The following STX18 variants were observed in gnomAD, a reference collection of about 807,000 sequenced individuals.
STX18 encodes the protein syntaxin-18.
Under a neutral mutation model 50.1 loss-of-function variants are expected in STX18, and 40 were observed. The ratio of observed to expected loss-of-function variants is 0.80; its 90% CI spans 0.62 to 1.04. The LOEUF (loss-of-function observed/expected upper bound fraction) is 1.04, where lower values mean the gene tolerates loss of function less well. Among genes scored for constraint, STX18 ranks in the 50% least tolerant of loss-of-function variants. The pLI is 0.00. For synonymous variants in STX18, 158 were observed against 151.8 expected (o/e 1.04, Z -0.30); for missense variants, 410 against 415.8 (o/e 0.99, Z 0.12).
chr4:4,421,005 A>C, intron 9 of STX18, 61 bp from the exon 10 acceptor site: 3 of 1,516,426 alleles, frequency 2.0e-6, no homozygotes, highest in Non-Finnish European at 2.7e-6. Context: ...GAAACCCAAA[A>C]TGCTCCAACG....
intron 1 of STX18, among the ~76,000 whole-genome samples, chr4:4,502,140 C>T (rs557609640): frequency 1.3e-5 from 2 of 152,224 alleles, no homozygotes; most frequent in East Asian, 1.9e-4. Context: ...GTGTAATATA[C>T]CTAAAAGTAT....
intron 1 of STX18, among the ~76,000 whole-genome samples, chr4:4,473,547 C>G (rs1270065756): frequency 1.3e-5 from 2 of 152,274 alleles, no homozygotes; most frequent in Middle Eastern, 3.4e-3. Context: ...CCCGCCTCAG[C>G]CTCCCAAAGT....
At chr4:4,480,115 G>A (rs554039913) in intron 1 of STX18, among the ~76,000 whole-genome samples, 4 of 152,184 alleles carry the variant, frequency 2.6e-5, no homozygotes, top group Non-Finnish European at 4.4e-5. Context: ...CTAAAAGACT[G>A]CTCGGCAAGG....
chr4:4,525,270 A>T (rs561146947), intron 1 of STX18, among the ~76,000 whole-genome samples: 95 of 152,368 alleles, frequency 6.2e-4, no homozygotes, highest in Non-Finnish European at 1.2e-3. Flanking sequence ...AGGTGACTAA[A>T]CAGCTGTTCT....
At position 4,420,918 on chromosome 4, in the gene STX18, C is replaced by A; in HGVS notation, c.858G>T (p.Gln286His). The change falls in exon 10 of 11, where the codon CAG (glutamine) becomes CAT (histidine). Residue 286 changes from glutamine to histidine, a missense_variant. Coordinates refer to ENST00000306200, the MANE Select transcript of STX18 (RefSeq NM_016930.4). The surrounding 1 kb of genome is among the most constrained non-coding windows in gnomAD (Gnocchi z 4.3). ...QQEAEIDSIH[Q>H]LVVGATENIK... ...TATTTTCAGTTGCCCCCACAACTAA[C>A]TGGTGAATGCTGTCAATCTCAGCTT... is the stretch of plus-strand genomic sequence containing the variant. 6.2e-7 allele frequency: 1 copy of A among 1,614,178 alleles called. No homozygotes were observed. The highest frequency in any genetic ancestry group is 8.5e-7 in the Non-Finnish European group (1 of 1,180,030).
In STX18 at chr4:4,485,375, G is replaced by A. The variant is rs576784919; in HGVS notation, c.169-13669C>T. Reference sequence around the variant, plus strand: ...TGAACTTTAGTGCATAAGGTGAAAAGCATACACAATTCAAATGACAATTTT... The same window carrying A: ...TGAACTTTAGTGCATAAGGTGAAAAACATACACAATTCAAATGACAATTTT... On this transcript the variant is annotated intron_variant, in intron 1 of 10. Transcript: ENST00000306200. 2.6e-5 allele frequency among the ~76,000 whole-genome samples: 4 copies of A among 152,328 alleles called. No homozygotes were observed. The South Asian group carries it at 8.3e-4, about 32-fold the overall frequency.
intron 5 of STX18, among the ~76,000 whole-genome samples, chr4:4,441,836 A>G (rs561547681): frequency 1.1e-4 from 17 of 152,238 alleles, no homozygotes; most frequent in Non-Finnish European, 2.2e-4. Context: ...TATGCATACT[A>G]AAGTATTGAA....
At chr4:4,450,319 A>G (rs1053550835) in intron 5 of STX18, among the ~76,000 whole-genome samples, 26 of 152,098 alleles carry the variant, frequency 1.7e-4, no homozygotes, top group African/African-American at 5.3e-4. Flanking sequence ...CTAGCTTTCA[A>G]TATCCTCCTT....
intron 1 of STX18, among the ~76,000 whole-genome samples, chr4:4,506,037 G>A (rs1039399353): frequency 6.6e-6 from 1 of 152,168 alleles, no homozygotes; most frequent in South Asian, 2.1e-4. Flanking sequence ...CCATTGTATG[G>A]ATATACATTT....
intron 1 of STX18, among the ~76,000 whole-genome samples, chr4:4,510,062 G>A (rs777597078): frequency 6.6e-6 from 1 of 152,140 alleles, no homozygotes; most frequent in Non-Finnish European, 1.5e-5. Context: ...ATAAATCTGG[G>A]AGTTTCTGGA....
rs753078774 is a variant in STX18, at chr4:4,434,841, T to C, written c.631A>G (p.Thr211Ala). The C allele has an allele frequency of 3.1e-6, 5 of 1,600,226 alleles. No homozygotes were observed. The highest frequency in any genetic ancestry group is 4.3e-6 in the Non-Finnish European group (5 of 1,176,402). Reference protein sequence around the residue: ...EERPEKILAETQPELGTWGDG... With the variant: ...EERPEKILAEAQPELGTWGDG... ...CCCCACGTTCCCAATTCAGGTTGTGTTTCAGCCAAAATTTTTTCTGTTAAA... is the reference window on the plus strand; with the variant it reads ...CCCCACGTTCCCAATTCAGGTTGTGCTTCAGCCAAAATTTTTTCTGTTAAA... Residue 211 changes from threonine to alanine, a missense_variant, in exon 7 of 11, where the codon ACA becomes GCA. Physicochemically the swap from Thr to Ala is moderately conservative, Grantham distance 58. Coordinates refer to ENST00000306200, the MANE Select transcript of STX18 (RefSeq NM_016930.4).
intron 5 of STX18, among the ~76,000 whole-genome samples, chr4:4,441,215 C>T (rs959047698): frequency 6.6e-6 from 1 of 152,172 alleles, no homozygotes. Flanking sequence ...AACACATTCA[C>T]GATGGTCCAC....
intron 5 of STX18, among the ~76,000 whole-genome samples, 174 bp downstream of exon 5, chr4:4,457,017 A>C (rs1727112073): frequency 6.6e-6 from 1 of 152,180 alleles, no homozygotes; most frequent in Non-Finnish European, 1.5e-5. Flanking sequence ...TGGGCCAATA[A>C]AGTGGCTGGC....
Position 4,541,333 on chromosome 4 carries a change from A to C in STX18, c.168+464T>G, listed in dbSNP as rs144232074. Among the ~76,000 whole-genome samples the C allele has an allele frequency of 2.3e-3, 356 of 152,290 alleles. 1 individual carries two copies. Among genetic ancestry groups the C allele is most frequent in the African/African-American group, 7.1e-3 (295 of 41,568 alleles). On this transcript the variant is annotated intron_variant, in intron 1 of 10. Transcript: ENST00000306200. The stretch of plus-strand genomic sequence containing the variant: ...TGAGTCCTACTTATTGCAGAGACAA[A>C]GGGAAGAAAGAGTTCGGCTGAATAC...
intron 1 of STX18, among the ~76,000 whole-genome samples, chr4:4,510,483 T>G (rs1729945045): frequency 6.6e-6 from 1 of 152,180 alleles, no homozygotes; most frequent in Non-Finnish European, 1.5e-5. Context: ...TGACATGCAA[T>G]TATTAAAAAG....
At chr4:4,438,321 G>A (rs1041817553) in intron 6 of STX18, 73 bp downstream of exon 6, 6 of 1,159,000 alleles carry the variant, frequency 5.2e-6, no homozygotes, top group Middle Eastern at 2.0e-4. Context: ...GTGCTACTTC[G>A]TTCCTGTGCT....
intron 2 of STX18, among the ~76,000 whole-genome samples, chr4:4,465,002 TG>T (rs1291163558): frequency 1.3e-5 from 2 of 152,162 alleles, no homozygotes; most frequent in African/African-American, 2.4e-5. Context: ...TCTTGGCTCT[TG>T]TTCTTTTAGT....
At chr4:4,473,246 C>T (rs1728012079) in intron 1 of STX18, among the ~76,000 whole-genome samples, 1 of 151,598 alleles carries the variant, frequency 6.6e-6, no homozygotes, top group African/African-American at 2.4e-5. Flanking sequence ...GCCTGCCTTA[C>T]AATCCTGTTC....
At chr4:4,504,261 G>T (rs1357653948) in intron 1 of STX18, among the ~76,000 whole-genome samples, 1 of 151,980 alleles carries the variant, frequency 6.6e-6, no homozygotes, top group East Asian at 1.9e-4. Context: ...TTTTTCTAAA[G>T]AGATACCTGG....
Sources: gnomAD v4.1 joint callset for allele counts (sites outside exome capture counted in the v4.1 genomes callset) on GRCh38, gnomAD v4.1.1 for gene constraint, Gnocchi (gnomAD v3.1) non-coding constraint, MANE v1.5 for transcripts, NCBI Gene and HGNC (gene_info 2026-07-23, HGNC 2026-07-21) for gene names.